The following POLR3E variants were observed in gnomAD, a reference collection of about 807,000 sequenced individuals.
POLR3E encodes the protein RNA polymerase III subunit E, also known as DNA-directed RNA polymerase III subunit RPC5.
Under a neutral mutation model 96.6 loss-of-function variants are expected in POLR3E, and 41 were observed. The ratio of observed to expected loss-of-function variants is 0.42; its 90% CI spans 0.33 to 0.55. The LOEUF is 0.55. POLR3E is among the 20% of genes least tolerant of loss of function. The pLI is 0.06. For synonymous variants in POLR3E, 396 were observed against 383.6 expected (o/e 1.03, Z -0.38); for missense variants, 849 against 952.1 (o/e 0.89, Z 1.43).
At chr16:22,324,088 C>CT (rs58207252) in intron 14 of POLR3E, among the ~76,000 whole-genome samples, 6,430 of 117,846 alleles carry the variant, frequency 0.055, 446 homozygotes, top group African/African-American at 0.32. Context: ...GGCAGGGCAT[C>CT]CCCAGGGAGC....
chr16:22,306,887 C>T (rs997384710), intron 3 of POLR3E, among the ~76,000 whole-genome samples: 3 of 152,178 alleles, frequency 2.0e-5, no homozygotes, highest in South Asian at 2.1e-4. Context: ...TTCACGGGCA[C>T]GGAGGCCTGG....
intron 6 of POLR3E, among the ~76,000 whole-genome samples, chr16:22,311,268 CT>C (rs57435708): frequency 7.3e-5 from 8 of 109,422 alleles, no homozygotes; most frequent in African/African-American, 1.4e-4. Flanking sequence ...TGTGCCCAGC[CT>C]TTTTTTTTTT....
intron 19 of POLR3E, among the ~76,000 whole-genome samples, chr16:22,330,926 G>A (rs560952927): frequency 4.8e-5 from 7 of 144,762 alleles, no homozygotes; most frequent in South Asian, 4.4e-4. Flanking sequence ...CTATTTTTAC[G>A]TGATCAAATG....
In POLR3E at chr16:22,313,818, T is replaced by C. The variant is rs916123048; in HGVS notation, c.472+91T>C. ...GGAAGAGGGATGGGATGATAGGATG[T>C]TTAGCAGGATCCCTGGCCTCTACCT... On this transcript the variant is annotated intron_variant, in intron 7 of 20. Transcript: ENST00000299853. This position sits in a 1 kb window ranked among gnomAD's most constrained non-coding sequence, Gnocchi z 4.1. 31 of 883,492 alleles carry C rather than the reference T, an allele frequency of 3.5e-5. No individual in the cohort carries two copies. In the Admixed American group the frequency reaches 3.6e-4, roughly 10 times the overall value. 54.7% of individuals were successfully genotyped at this position (883,492 alleles called of 1,614,324 possible). A position where few individuals can be genotyped will look rare whatever the true frequency, so the allele number is the denominator to read the frequency against.
At chr16:22,316,914 C>A in intron 10 of POLR3E, 81 bp from the exon 11 acceptor site, 1 of 1,495,466 alleles carries the variant, frequency 6.7e-7, no homozygotes, top group Non-Finnish European at 9.3e-7. Flanking sequence ...CACCCTCTCC[C>A]CAGACCCTCA....
chr16:22,306,255 C>CT lies in POLR3E; in HGVS notation c.87+1057dup, dbSNP rs1271337524. Among the ~76,000 whole-genome samples the CT allele has an allele frequency of 2.6e-5, 4 of 151,934 alleles. No homozygotes were observed. The South Asian group carries it at 6.2e-4, about 24-fold the overall frequency. On this transcript the variant is annotated intron_variant, in intron 3 of 20. Coordinates refer to ENST00000299853, the MANE Select transcript of POLR3E (RefSeq NM_018119.4). Reference sequence around the variant, plus strand: ...AGCCTGCATCAATATTTGAGCTTTTCTTTTTTTTGTTTGTTTGTTTTGAGA... The same window carrying CT: ...AGCCTGCATCAATATTTGAGCTTTTCTTTTTTTTTGTTTGTTTGTTTTGAGA...
intron 13 of POLR3E, among the ~76,000 whole-genome samples, chr16:22,320,434 G>C (rs2048447431): frequency 6.6e-6 from 1 of 152,042 alleles, no homozygotes; most frequent in East Asian, 1.9e-4. Context: ...GCTAATTTTT[G>C]TATTTTTAGA....
At chr16:22,317,443 A>G (rs2048380261) in intron 12 of POLR3E, among the ~76,000 whole-genome samples, 1 of 152,236 alleles carries the variant, frequency 6.6e-6, no homozygotes, top group South Asian at 2.1e-4. Context: ...TGGCCCCCAC[A>G]GGCGGGCTCG....
At chr16:22,301,086 G>A (rs1170572547) in intron 1 of POLR3E, among the ~76,000 whole-genome samples, 2 of 149,576 alleles carry the variant, frequency 1.3e-5, no homozygotes, top group African/African-American at 2.5e-5. Context: ...TTTGGAGAGG[G>A]AAGGTCTTAG....
At position 22,316,985 on chromosome 16, in the gene POLR3E, G is replaced by T. The variant is rs2048368902; in HGVS notation, c.729-10G>T. On this transcript the variant is annotated splice_polypyrimidine_tract_variant and intron_variant, in intron 10 of 20. Transcript: ENST00000299853. ...AGCCCTGAGCCTCTGCCCCTGCCAT[G>T]TCCCTGCAGTGAGTACCTGATGATG... The T allele has an allele frequency of 6.2e-7, 1 of 1,613,902 alleles. No homozygotes were observed. Among genetic ancestry groups the T allele is most frequent in the African/African-American group, 1.3e-5 (1 of 74,940 alleles).
At chr16:22,325,322 G>C (rs954265131) in intron 17 of POLR3E, 56 bp downstream of exon 17, 5 of 1,390,440 alleles carry the variant, frequency 3.6e-6, no homozygotes, top group Non-Finnish European at 5.1e-6. Flanking sequence ...GGCTCCGGAA[G>C]GGCTGCTGTG....
intron 4 of POLR3E, 93 bp from the exon 5 acceptor site, chr16:22,308,832 T>C (rs2048185233): frequency 1.3e-6 from 1 of 770,096 alleles, no homozygotes; most frequent in Non-Finnish European, 2.2e-6. Flanking sequence ...GGCAGGGTCC[T>C]GGTTAGGAGG....
rs73541809 is a variant in POLR3E at position 22,332,346 on chromosome 16, G to A, written c.2070+161G>A. Among the ~76,000 whole-genome samples, 490 of 152,286 alleles carry A rather than the reference G, an allele frequency of 3.2e-3. 4 individuals carry two copies. Among genetic ancestry groups the A allele is most frequent in the African/African-American group, 0.011 (472 of 41,550 alleles). On this transcript the variant is annotated intron_variant, in intron 20 of 20. Coordinates refer to ENST00000299853, the MANE Select transcript of POLR3E (RefSeq NM_018119.4). The stretch of plus-strand genomic sequence containing the variant: ...AGCAACTGTTAATGATTGATTGATT[G>A]GCATTGGTTGGGGAAGGGGGTATGT...
In POLR3E at chr16:22,326,056, C is replaced by A. The variant is rs2048582485; in HGVS notation, c.1644C>A (p.His548Gln). The A allele has an allele frequency of 6.2e-7, 1 of 1,607,616 alleles. No homozygotes were observed. Among genetic ancestry groups the A allele is most frequent in the African/African-American group, 1.3e-5 (1 of 74,756 alleles). ...RAAGTDSFNG[H>Q]PPQGCASTPV... The stretch of plus-strand genomic sequence containing the variant: ...CGGGCACAGACAGCTTCAACGGGCA[C>A]CCGCCCCAGGGCTGCGCCAGCACCC... The change falls in exon 18 of 21, where the codon CAC (histidine) becomes CAA (glutamine). Residue 548 changes from histidine to glutamine, a missense_variant. His to Gln is a conservative substitution (Grantham distance 24, BLOSUM62 0). Coordinates refer to ENST00000299853, the MANE Select transcript of POLR3E (RefSeq NM_018119.4).
Position 22,333,937 on chromosome 16 carries a change from A to G in POLR3E, c.*237A>G. On this transcript the variant is annotated 3_prime_UTR_variant, in exon 21 of 21. Transcript: ENST00000299853. ...CAGCTGGGACCTTCTTTGCAGTACA[A>G]TTTGAAATTCCTGATGTATTTTGCT... 2.3e-6 allele frequency: 1 copy of G among 428,524 alleles called. No homozygotes were observed. The highest frequency in any genetic ancestry group is 8.4e-5 in the South Asian group (1 of 11,850). 26.5% of individuals were successfully genotyped at this position (428,524 alleles called of 1,614,324 possible).
At chr16:22,320,551 G>A (rs1036610423) in intron 13 of POLR3E, among the ~76,000 whole-genome samples, 4 of 152,118 alleles carry the variant, frequency 2.6e-5, no homozygotes, top group African/African-American at 4.8e-5. Flanking sequence ...GTGAGCTACC[G>A]TGCCCGGCCT....
chr16:22,303,106 G>A lies in POLR3E; in HGVS notation c.36+102G>A, dbSNP rs143187435. 6.6e-3 allele frequency: 7,191 copies of A among 1,095,422 alleles called. 40 individuals carry two copies. Among genetic ancestry groups the A allele is most frequent in the Non-Finnish European group, 8.0e-3 (5,642 of 707,272 alleles). The allele number at this position is 1,095,422 out of a possible 1,614,324, so 67.9% of individuals were successfully genotyped here. A position where few individuals can be genotyped will look rare whatever the true frequency, so the allele number is the denominator to read the frequency against. On this transcript the variant is annotated intron_variant, in intron 2 of 20. Transcript: ENST00000299853. ...AGTCTGGGACCTGTTGATGTTCTGG[G>A]ACCCCTAACCCTTGCTGTTCCCTCT...
chr16:22,328,308 G>C (rs2048653855), intron 18 of POLR3E: 1 of 584,650 alleles, frequency 1.7e-6, no homozygotes, highest in Non-Finnish European at 3.1e-6. Context: ...GGCCCTGGGG[G>C]GTGTGCTGGC....
chr16:22,314,169 G>T, intron 8 of POLR3E, 41 bp downstream of exon 8: 1 of 1,556,850 alleles, frequency 6.4e-7, no homozygotes, highest in Non-Finnish European at 8.9e-7. Context: ...CTGCCTGGGC[G>T]GCAGCAGGAC....
Sources: gnomAD v4.1 joint callset for allele counts (sites outside exome capture counted in the v4.1 genomes callset) on GRCh38, gnomAD v4.1.1 for gene constraint, Gnocchi (gnomAD v3.1) non-coding constraint, MANE v1.5 for transcripts, NCBI Gene and HGNC (gene_info 2026-07-23, HGNC 2026-07-21) for gene names.